The following ELMO1 variants were observed in gnomAD, a reference collection of about 807,000 sequenced individuals.
The protein encoded by ELMO1 is engulfment and cell motility 1.
ELMO1 carries 26 observed loss-of-function variants against 98.9 expected under a neutral mutation model. The observed-to-expected ratio is 0.26, with a 90% CI of 0.19 to 0.36. The LOEUF is 0.36. ELMO1 is among the 10% of genes least tolerant of loss of function. The probability of loss-of-function intolerance (pLI) is 1.00; values close to 1 mark genes in which losing one functional copy is unlikely to be tolerated. For missense variants in ELMO1, 627 were observed against 935.2 expected (o/e 0.67, Z 4.30); for synonymous variants, 346 against 346.0 (o/e 1.00, Z 0.00).
At chr7:37,321,736 A>AAAAAAAAAAAC (rs1192639432) in intron 2 of ELMO1, among the ~76,000 whole-genome samples, 4 of 148,210 alleles carry the variant, frequency 2.7e-5, no homozygotes, top group Admixed American at 1.3e-4. Context: ...AAAAAAAAAA[A>AAAAAAAAAAAC]AACACAGAAA....
intron 15 of ELMO1, among the ~76,000 whole-genome samples, chr7:37,035,015 T>G (rs978726233): frequency 6.6e-6 from 1 of 152,178 alleles, no homozygotes; most frequent in Non-Finnish European, 1.5e-5. Context: ...CCAGAACCAG[T>G]AGAGTTAACC....
intron 13 of ELMO1, among the ~76,000 whole-genome samples, chr7:37,135,574 A>C (rs923543656): frequency 5.3e-5 from 8 of 152,186 alleles, no homozygotes; most frequent in Admixed American, 4.6e-4. Flanking sequence ...ACTTGCCAGT[A>C]CCAGCATGGA....
intron 21 of ELMO1, among the ~76,000 whole-genome samples, chr7:36,858,322 A>G (rs1485037147): frequency 6.6e-6 from 1 of 152,210 alleles, no homozygotes; most frequent in Non-Finnish European, 1.5e-5. Context: ...GGCTGCTAAT[A>G]TCCAAGAAAG....
intron 19 of ELMO1, among the ~76,000 whole-genome samples, chr7:36,876,459 G>C (rs541689763): frequency 6.8e-6 from 1 of 147,348 alleles, no homozygotes; most frequent in African/African-American, 2.5e-5. Flanking sequence ...TAAACTTTTT[G>C]TTTTTTTAAA....
At chr7:36,963,562 C>T (rs776435751) in intron 16 of ELMO1, among the ~76,000 whole-genome samples, 1 of 151,968 alleles carries the variant, frequency 6.6e-6, no homozygotes, top group Non-Finnish European at 1.5e-5. Flanking sequence ...AGTTTTTCTT[C>T]GGGTGGATGG....
chr7:37,263,046 A>C (rs1796055645), intron 5 of ELMO1, among the ~76,000 whole-genome samples: 1 of 152,114 alleles, frequency 6.6e-6, no homozygotes, highest in African/African-American at 2.4e-5. Flanking sequence ...AACTGGTGGG[A>C]CCCTTTTAAT....
intron 13 of ELMO1, among the ~76,000 whole-genome samples, chr7:37,143,417 A>T (rs968706085): frequency 3.0e-4 from 45 of 151,960 alleles, no homozygotes; most frequent in African/African-American, 8.7e-4. Context: ...TTATTTATTT[A>T]TTTTTTTGCG....
rs141547409 is a variant in ELMO1 at position 37,019,100 on chromosome 7, T to C, written c.1301-5665A>G. Reference sequence around the variant, plus strand: ...AAGAGCTTTTCCTGTCTGAACTCTCTGAATGTGTAACAACGACAAAGGTCC... The same window carrying C: ...AAGAGCTTTTCCTGTCTGAACTCTCCGAATGTGTAACAACGACAAAGGTCC... On this transcript the variant is annotated intron_variant, in intron 15 of 21. Transcript: ENST00000310758. 2.1e-3 allele frequency among the ~76,000 whole-genome samples: 323 copies of C among 152,366 alleles called. 1 individual carries two copies. Among genetic ancestry groups the C allele is most frequent in the East Asian group, 1.7e-3 (9 of 5,186 alleles).
intron 16 of ELMO1, among the ~76,000 whole-genome samples, chr7:36,910,158 AT>A (rs1784243628): frequency 6.6e-6 from 1 of 152,208 alleles, no homozygotes. Context: ...GAATCCTGGA[AT>A]TTTTGGCTAA....
chr7:37,155,445 T>C lies in ELMO1; in HGVS notation c.1087-22211A>G, dbSNP rs190078778. Among the ~76,000 whole-genome samples, 979 of 107,636 alleles carry C rather than the reference T, an allele frequency of 9.1e-3. 6 individuals carry two copies. Among genetic ancestry groups the C allele is most frequent in the Non-Finnish European group, 0.013 (704 of 54,458 alleles). 70.6% of individuals were successfully genotyped at this position (107,636 alleles called of 152,430 possible). On this transcript the variant is annotated intron_variant, in intron 13 of 21. Coordinates refer to ENST00000310758, the MANE Select transcript of ELMO1 (RefSeq NM_014800.11). ...TCATGTGCAAAGACAAAGACACATA[T>C]AGGCTCAAAATAAAGGGATGGAGGA...
chr7:37,109,579 G>A (rs1785129178), intron 14 of ELMO1, among the ~76,000 whole-genome samples: 1 of 152,162 alleles, frequency 6.6e-6, no homozygotes, highest in Non-Finnish European at 1.5e-5. Context: ...GAACAGAGAA[G>A]GGACAATCTG....
intron 16 of ELMO1, among the ~76,000 whole-genome samples, chr7:36,964,875 A>G (rs2129125205): frequency 6.6e-6 from 1 of 152,302 alleles, no homozygotes; most frequent in Non-Finnish European, 1.5e-5. Context: ...CAATTAAACC[A>G]AGGTTAAAAG....
At chr7:37,202,652 T>C (rs1389145681) in intron 13 of ELMO1, among the ~76,000 whole-genome samples, 5 of 152,238 alleles carry the variant, frequency 3.3e-5, no homozygotes, top group African/African-American at 1.2e-4. Context: ...CCCCTGTGAA[T>C]TCCAACATGG....
At chr7:37,413,052 T>C (rs149271830) in intron 1 of ELMO1, among the ~76,000 whole-genome samples, 241 of 152,346 alleles carry the variant, frequency 1.6e-3, no homozygotes, top group African/African-American at 5.6e-3. Flanking sequence ...ATTATTCTTG[T>C]TGGGTCAAGC....
intron 13 of ELMO1, among the ~76,000 whole-genome samples, chr7:37,190,912 G>A (rs1791524852): frequency 6.6e-6 from 1 of 152,054 alleles, no homozygotes; most frequent in South Asian, 2.1e-4. Context: ...GGAAAGGCCA[G>A]GCACGGTGGC....
chr7:37,308,562 C>G (rs1798732269), intron 4 of ELMO1, among the ~76,000 whole-genome samples: 1 of 152,188 alleles, frequency 6.6e-6, no homozygotes, highest in South Asian at 2.1e-4. Flanking sequence ...CTTTGTGGCA[C>G]TCATTGTCAC....
chr7:37,235,508 A>C (rs1794411678), intron 7 of ELMO1, among the ~76,000 whole-genome samples: 1 of 149,976 alleles, frequency 6.7e-6, no homozygotes, highest in Non-Finnish European at 1.5e-5. Context: ...AATGTCAAAA[A>C]AATTCCCATA....
chr7:37,346,210 C>T (rs1483715093), intron 1 of ELMO1, among the ~76,000 whole-genome samples: 1 of 152,174 alleles, frequency 6.6e-6, no homozygotes, highest in Non-Finnish European at 1.5e-5. Flanking sequence ...ACTTCCACCA[C>T]ACCTCTTGGT....
chr7:37,061,623 C>A (rs377481303), intron 15 of ELMO1, among the ~76,000 whole-genome samples: 1 of 152,078 alleles, frequency 6.6e-6, no homozygotes, highest in Non-Finnish European at 1.5e-5. Flanking sequence ...GGAGGGGACA[C>A]GTAAGCAGCC....
Sources: gnomAD v4.1 joint callset for allele counts (sites outside exome capture counted in the v4.1 genomes callset) on GRCh38, gnomAD v4.1.1 for gene constraint, MANE v1.5 for transcripts, NCBI Gene and HGNC (gene_info 2026-07-23, HGNC 2026-07-21) for gene names.